CNTNAP2: variants seen among roughly 807,000 people sequenced by gnomAD.
CNTNAP2 encodes the protein contactin-associated protein-like 2.
In CNTNAP2, 98 loss-of-function variants were observed where a neutral mutation model predicts 155.2. That is an observed-to-expected ratio of 0.63 (90% CI 0.54 to 0.75). The LOEUF is 0.75. CNTNAP2 is among the 30% of genes least tolerant of loss of function. The pLI is 0.00. For missense variants in CNTNAP2, 1,727 were observed against 1,688.1 expected, an observed-to-expected ratio of 1.02 and a Z score of -0.40; for synonymous variants, 651 against 631.2, an observed-to-expected ratio of 1.03 and a Z score of -0.47.
intron 3 of CNTNAP2, among the ~76,000 whole-genome samples, chr7:146,987,084 CTCAATAATTT>C (rs1431852758): frequency 2.0e-5 from 3 of 152,124 alleles, no homozygotes; most frequent in African/African-American, 7.2e-5. Flanking sequence ...ACAGGCAAAG[CTCAATAATTT>C]TATTAAATTC....
At chr7:147,485,105 G>A (rs1378237597) in intron 10 of CNTNAP2, among the ~76,000 whole-genome samples, 4 of 152,128 alleles carry the variant, frequency 2.6e-5, no homozygotes, top group African/African-American at 9.7e-5. Context: ...CACAATTTCT[G>A]AGGTACAGTA....
chr7:146,761,031 A>G (rs1341851765), intron 1 of CNTNAP2, among the ~76,000 whole-genome samples: 1 of 152,142 alleles, frequency 6.6e-6, no homozygotes, highest in African/African-American at 2.4e-5. Flanking sequence ...ACAGGGTCAA[A>G]TGAATAAGAT....
chr7:146,292,939 A>G (rs1800454735), intron 1 of CNTNAP2, among the ~76,000 whole-genome samples: 1 of 152,126 alleles, frequency 6.6e-6, no homozygotes, highest in Non-Finnish European at 1.5e-5. Flanking sequence ...GAAATACATT[A>G]TTCTTTGGGA....
At chr7:147,385,469 G>C (rs184504610) in intron 9 of CNTNAP2, among the ~76,000 whole-genome samples, 7 of 152,292 alleles carry the variant, frequency 4.6e-5, no homozygotes, top group Admixed American at 4.6e-4. Context: ...TGGGCGTACA[G>C]GCATTGGGTT....
intron 1 of CNTNAP2, among the ~76,000 whole-genome samples, chr7:146,285,638 A>G (rs1356837541): frequency 6.6e-6 from 1 of 151,158 alleles, no homozygotes; most frequent in Admixed American, 6.6e-5. Flanking sequence ...ACAGTGACCA[A>G]GCTGAAGTTT....
intron 1 of CNTNAP2, among the ~76,000 whole-genome samples, chr7:146,504,296 C>T (rs907505549): frequency 1.3e-5 from 2 of 152,186 alleles, no homozygotes; most frequent in Non-Finnish European, 2.9e-5. Context: ...TTATTAGGGT[C>T]CAGCATAGGC....
chr7:147,052,813 A>C (rs1048126398), intron 4 of CNTNAP2, among the ~76,000 whole-genome samples: 3 of 152,084 alleles, frequency 2.0e-5, no homozygotes. Flanking sequence ...ATAAACTGAT[A>C]ATTAATGAGG....
chr7:146,530,728 T>A (rs1451475460), intron 1 of CNTNAP2, among the ~76,000 whole-genome samples: 1 of 152,184 alleles, frequency 6.6e-6, no homozygotes, highest in Admixed American at 6.5e-5. Context: ...AAATAACAGA[T>A]GCTGGTGAGG....
intron 1 of CNTNAP2, among the ~76,000 whole-genome samples, chr7:146,470,441 A>G (rs1342182342): frequency 6.6e-6 from 1 of 152,196 alleles, no homozygotes; most frequent in Non-Finnish European, 1.5e-5. Context: ...ACTACCTGAT[A>G]CGTCCCTTTC....
intron 3 of CNTNAP2, among the ~76,000 whole-genome samples, chr7:146,906,483 G>A (rs1796130460): frequency 6.6e-6 from 1 of 151,814 alleles, no homozygotes; most frequent in Non-Finnish European, 1.5e-5. Flanking sequence ...TCCTCAAGTG[G>A]GTCCCTGACC....
At chr7:146,340,489 T>C (rs1033622209) in intron 1 of CNTNAP2, among the ~76,000 whole-genome samples, 14 of 151,998 alleles carry the variant, frequency 9.2e-5, no homozygotes, top group African/African-American at 2.9e-4. Context: ...CATAGCTTAA[T>C]TGAATTTTAG....
chr7:147,306,715 C>T lies in CNTNAP2; in HGVS notation c.1498+6425C>T, dbSNP rs139946306. Among the ~76,000 whole-genome samples, 56 of 152,010 alleles carry T rather than the reference C, an allele frequency of 3.7e-4. No homozygotes were observed. In the East Asian group the frequency reaches 7.7e-3, roughly 21 times the overall value. On this transcript the variant is annotated intron_variant, in intron 9 of 23. Transcript: ENST00000361727. The stretch of plus-strand genomic sequence containing the variant: ...GCTAAGACTTGGGGTTAGCAACCCT[C>T]GGAGCAGGATTATACTTAGGGACAA...
At position 146,847,855 on chromosome 7, in the gene CNTNAP2, T is replaced by TA. The variant is rs1341553699; in HGVS notation, c.402+7951_402+7952insA. Among the ~76,000 whole-genome samples, 8 of 152,300 alleles carry TA rather than the reference T, an allele frequency of 5.3e-5. No homozygotes were observed. The South Asian group carries it at 6.2e-4, about 12-fold the overall frequency. ...CCTGGAAAGTTTTTTCAGATATATA[T>TA]TTTTTAATGAAACTTCAGTGAAAAT... On this transcript the variant is annotated intron_variant, in intron 3 of 23. Transcript: ENST00000361727.
chr7:146,958,933 T>G (rs760108235), intron 3 of CNTNAP2, among the ~76,000 whole-genome samples: 1 of 152,152 alleles, frequency 6.6e-6, no homozygotes, highest in Non-Finnish European at 1.5e-5. Context: ...CTAATAAGAT[T>G]GTCGTTTCTA....
intron 3 of CNTNAP2, among the ~76,000 whole-genome samples, chr7:147,000,021 G>A (rs1038872369): frequency 4.0e-5 from 6 of 151,468 alleles, no homozygotes; most frequent in Admixed American, 2.0e-4. Context: ...GCTCATTTAA[G>A]GTTATCCCAG....
At chr7:146,512,895 C>T (rs1797488577) in intron 1 of CNTNAP2, among the ~76,000 whole-genome samples, 1 of 151,784 alleles carries the variant, frequency 6.6e-6, no homozygotes, top group Admixed American at 6.6e-5. Context: ...TTATTGATGT[C>T]TTGTACTATT....
intron 12 of CNTNAP2, among the ~76,000 whole-genome samples, chr7:147,629,300 G>A (rs548207970): frequency 7.2e-5 from 11 of 152,086 alleles, no homozygotes; most frequent in Admixed American, 4.6e-4. Context: ...CTACCTGGGA[G>A]GCTGAGGCAG....
At chr7:147,278,858 TAAC>T (rs1804964842) in intron 8 of CNTNAP2, among the ~76,000 whole-genome samples, 1 of 151,412 alleles carries the variant, frequency 6.6e-6, no homozygotes, top group South Asian at 2.1e-4. Flanking sequence ...AAATTATAAA[TAAC>T]ATTTATAATT....
chr7:147,804,502 G>A (rs982301931), intron 13 of CNTNAP2, among the ~76,000 whole-genome samples: 4 of 151,952 alleles, frequency 2.6e-5, no homozygotes, highest in African/African-American at 9.7e-5. Context: ...GAGGCCCTGA[G>A]CATGACCTTC....
Sources: allele counts gnomAD v4.1 joint callset (sites outside exome capture counted in the v4.1 genomes callset), GRCh38; gene constraint gnomAD v4.1.1; transcripts MANE v1.5; gene names NCBI Gene and HGNC (gene_info 2026-07-23, HGNC 2026-07-21).